Variants in XKR6 observed in about 807,000 individuals in gnomAD.
XKR6 encodes the protein XK related 6.
A neutral mutation model predicts 56.7 loss-of-function variants in XKR6; 22 were observed. The ratio of observed to expected loss-of-function variants is 0.39; its 90% CI spans 0.28 to 0.55. The LOEUF (loss-of-function observed/expected upper bound fraction) is 0.55. Ranked by LOEUF, XKR6 falls within the 20% of genes least tolerant of loss-of-function variation. XKR6 has a pLI of 0.66. For synonymous variants in XKR6, 524 were observed against 387.8 expected (o/e 1.35, Z -4.13); for missense variants, 852 against 889.0 (o/e 0.96, Z 0.53).
chr8:10,989,718 T>A (rs1349032259), intron 1 of XKR6, among the ~76,000 whole-genome samples: 1 of 152,238 alleles, frequency 6.6e-6, no homozygotes, highest in Admixed American at 6.5e-5. Flanking sequence ...TTTAGTATAG[T>A]GCCTATCACA....
intron 1 of XKR6, among the ~76,000 whole-genome samples, chr8:11,169,944 G>C (rs1013465920): frequency 1.3e-5 from 2 of 151,252 alleles, no homozygotes; most frequent in African/African-American, 4.9e-5. Flanking sequence ...AAAAGAGAGA[G>C]AGAGATGGGA....
chr8:10,924,418 C>A lies in XKR6; in HGVS notation c.961+216G>T, dbSNP rs573968390. On this transcript the variant is annotated intron_variant, in intron 2 of 2. Transcript: ENST00000416569. ...ACATGGACGAAGTGGCCTGGAGGTG[C>A]CAAGCCAGCCCACATACATTCAGAA... 2.0e-5 allele frequency among the ~76,000 whole-genome samples: 3 copies of A among 152,388 alleles called. No homozygotes were observed. In the South Asian group the frequency reaches 6.2e-4, roughly 32 times the overall value.
At chr8:11,131,641 T>C (rs1800108841) in intron 1 of XKR6, among the ~76,000 whole-genome samples, 1 of 152,178 alleles carries the variant, frequency 6.6e-6, no homozygotes, top group Non-Finnish European at 1.5e-5. Context: ...TAGCTCTCCT[T>C]TTCCAGTCAT....
At chr8:10,904,607 C>CTG (rs2129107925) in intron 2 of XKR6, among the ~76,000 whole-genome samples, 1 of 152,164 alleles carries the variant, frequency 6.6e-6, no homozygotes, top group South Asian at 2.1e-4. Flanking sequence ...AAGGAGGTGC[C>CTG]ACGGAAGGGG....
chr8:11,157,928 C>G (rs1024975060), intron 1 of XKR6, among the ~76,000 whole-genome samples: 8 of 152,146 alleles, frequency 5.3e-5, no homozygotes, highest in African/African-American at 1.9e-4. Context: ...CTCCATCAAG[C>G]GGCATTAGAT....
intron 1 of XKR6, among the ~76,000 whole-genome samples, chr8:10,974,358 T>G (rs10096421): frequency 0.59 from 90,035 of 152,124 alleles, 29,463 homozygotes; most frequent in African/African-American, 0.87. Flanking sequence ...AGTGAGACCA[T>G]TGCCAGCTAA....
intron 1 of XKR6, among the ~76,000 whole-genome samples, chr8:10,977,703 A>G (rs1802607235): frequency 6.6e-6 from 1 of 150,450 alleles, no homozygotes; most frequent in South Asian, 2.2e-4. Context: ...GGGGATAGAG[A>G]CAGTGCAGGG....
chr8:10,983,883 C>T (rs1441795923), intron 1 of XKR6, among the ~76,000 whole-genome samples: 1 of 152,078 alleles, frequency 6.6e-6, no homozygotes, highest in Non-Finnish European at 1.5e-5. Context: ...TCTTGATCTC[C>T]TGACCTCGTG....
intron 1 of XKR6, among the ~76,000 whole-genome samples, chr8:10,933,727 T>G (rs1486694378): frequency 6.7e-6 from 1 of 150,250 alleles, no homozygotes; most frequent in South Asian, 2.1e-4. Flanking sequence ...GCGTTATTTC[T>G]GAGGGCTCTA....
chr8:10,951,303 G>C (rs1386869970), intron 1 of XKR6, among the ~76,000 whole-genome samples: 4 of 147,074 alleles, frequency 2.7e-5, no homozygotes, highest in South Asian at 2.1e-4. Flanking sequence ...GTGTGTGGGG[G>C]GGGGGGGCCC....
chr8:11,143,359 G>C (rs1800802406), intron 1 of XKR6, among the ~76,000 whole-genome samples: 1 of 152,082 alleles, frequency 6.6e-6, no homozygotes, highest in African/African-American at 2.4e-5. Context: ...ACACAAAAAA[G>C]AAAAACACAC....
At chr8:11,144,749 T>A (rs1003115385) in intron 1 of XKR6, among the ~76,000 whole-genome samples, 2 of 151,922 alleles carry the variant, frequency 1.3e-5, no homozygotes, top group Admixed American at 1.3e-4. Context: ...ATTCAAACAC[T>A]ACCTTCCATT....
At chr8:10,941,987 G>A (rs945107907) in intron 1 of XKR6, among the ~76,000 whole-genome samples, 4 of 152,186 alleles carry the variant, frequency 2.6e-5, no homozygotes, top group South Asian at 2.1e-4. Flanking sequence ...TCAGAAAGCC[G>A]ACCTTAAAGG....
intron 2 of XKR6, among the ~76,000 whole-genome samples, chr8:10,907,781 T>C (rs556564110): frequency 2.6e-5 from 4 of 152,324 alleles, no homozygotes; most frequent in East Asian, 1.9e-4. Flanking sequence ...TCTGTGAGCA[T>C]TGACAAAGTC....
chr8:10,902,466 T>C (rs1800063731), intron 2 of XKR6, among the ~76,000 whole-genome samples: 1 of 152,164 alleles, frequency 6.6e-6, no homozygotes, highest in Non-Finnish European at 1.5e-5. Flanking sequence ...GATGGCATGC[T>C]TCCTGCCATG....
chr8:10,985,552 C>G (rs1237107157), intron 1 of XKR6, among the ~76,000 whole-genome samples: 1 of 150,334 alleles, frequency 6.7e-6, no homozygotes, highest in South Asian at 2.1e-4. Context: ...TCAAAAATTA[C>G]CAAAACTTAC....
chr8:11,103,534 T>C (rs1434506390), intron 1 of XKR6, among the ~76,000 whole-genome samples: 1 of 152,226 alleles, frequency 6.6e-6, no homozygotes, highest in Non-Finnish European at 1.5e-5. Context: ...ATGGGGCTTT[T>C]AAAATGGCAT....
intron 1 of XKR6, among the ~76,000 whole-genome samples, chr8:11,160,047 T>C (rs1298465589): frequency 5.3e-5 from 8 of 152,174 alleles, no homozygotes; most frequent in Non-Finnish European, 1.2e-4. Context: ...TTTCATCAAA[T>C]GTAAGACTCA....
chr8:11,130,506 G>C (rs369716638), intron 1 of XKR6, among the ~76,000 whole-genome samples: 6 of 152,002 alleles, frequency 3.9e-5, no homozygotes, highest in Non-Finnish European at 8.8e-5. Flanking sequence ...CAAAAGATGG[G>C]TTCATTAAAA....
Sources: gnomAD v4.1 joint callset for allele counts (sites outside exome capture counted in the v4.1 genomes callset) on GRCh38, gnomAD v4.1.1 for gene constraint, MANE v1.5 for transcripts, NCBI Gene and HGNC (gene_info 2026-07-23, HGNC 2026-07-21) for gene names.